SLC30A8: variants seen among roughly 807,000 people sequenced by gnomAD.
The protein encoded by SLC30A8 is proton-coupled zinc antiporter SLC30A8.
Under a neutral mutation model 36.9 loss-of-function variants are expected in SLC30A8, and 27 were observed. The observed-to-expected ratio is 0.73, with a 90% CI of 0.54 to 1.01. The LOEUF (loss-of-function observed/expected upper bound fraction) is 1.01. Among genes scored for constraint, SLC30A8 ranks in the 50% least tolerant of loss-of-function variants. SLC30A8 has a pLI of 0.00. For missense variants in SLC30A8, 439 were observed against 452.0 expected, an observed-to-expected ratio of 0.97 and a Z score of 0.26; for synonymous variants, 164 against 172.4, an observed-to-expected ratio of 0.95 and a Z score of 0.38.
chr8:117,024,057 A>G (rs1240300912), intron 1 of SLC30A8, among the ~76,000 whole-genome samples: 1 of 152,166 alleles, frequency 6.6e-6, no homozygotes, highest in African/African-American at 2.4e-5. Context: ...GGAATTACCT[A>G]ATAATGCAAC....
Position 117,036,745 on chromosome 8 carries a change from C to G in SLC30A8, c.-265-2474C>G, listed in dbSNP as rs377175844. ...GATTCAATCACCTCCCACCGGGTCC[C>G]TCTCTTGACATGTGGGTATTACAGT... is the stretch of plus-strand genomic sequence containing the variant. On this transcript the variant is annotated intron_variant, in intron 1 of 10. Transcript: ENST00000427715. 3.9e-5 allele frequency among the ~76,000 whole-genome samples: 6 copies of G among 152,310 alleles called. No homozygotes were observed. In the East Asian group the frequency reaches 1.2e-3, roughly 29 times the overall value.
chr8:117,160,884 A>G (rs1822756980), intron 4 of SLC30A8, among the ~76,000 whole-genome samples: 1 of 152,250 alleles, frequency 6.6e-6, no homozygotes, highest in Admixed American at 6.5e-5. Context: ...CATGGTGTTG[A>G]ACAATATGTT....
intron 1 of SLC30A8, among the ~76,000 whole-genome samples, chr8:117,028,453 A>AG (rs1816937260): frequency 6.6e-6 from 1 of 152,166 alleles, no homozygotes; most frequent in East Asian, 1.9e-4. Flanking sequence ...TAGACCTCAG[A>AG]GGGTTGCTGG....
intron 6 of SLC30A8, among the ~76,000 whole-genome samples, chr8:117,166,240 A>G (rs1342681921): frequency 1.3e-5 from 2 of 152,228 alleles, no homozygotes; most frequent in Non-Finnish European, 2.9e-5. Flanking sequence ...TGTCCCATAC[A>G]TATGTACAAT....
chr8:116,968,891 C>A (rs1372345619), intron 1 of SLC30A8, among the ~76,000 whole-genome samples: 1 of 152,058 alleles, frequency 6.6e-6, no homozygotes, highest in African/African-American at 2.4e-5. Context: ...CATGCACCAC[C>A]ATGCCTAGCT....
intron 2 of SLC30A8, among the ~76,000 whole-genome samples, chr8:117,113,144 A>G (rs1371286540): frequency 1.3e-5 from 2 of 152,198 alleles, no homozygotes; most frequent in Admixed American, 1.3e-4. Flanking sequence ...AGAGAAATAC[A>G]GACAAACGGA....
chr8:116,951,756 AT>A (rs1226119474), intron 1 of SLC30A8, among the ~76,000 whole-genome samples: 2 of 151,974 alleles, frequency 1.3e-5, no homozygotes, highest in African/African-American at 2.4e-5. Context: ...TTCATTCAAC[AT>A]TTTTGTTGTG....
At chr8:117,158,258 A>T (rs1183474790) in intron 4 of SLC30A8, among the ~76,000 whole-genome samples, 6 of 152,198 alleles carry the variant, frequency 3.9e-5, no homozygotes, top group Non-Finnish European at 8.8e-5. Context: ...GCTCTCAGGC[A>T]TGCTGATGGT....
chr8:117,040,393 G>T (rs1361505932), intron 2 of SLC30A8, among the ~76,000 whole-genome samples: 1 of 152,202 alleles, frequency 6.6e-6, no homozygotes, highest in Non-Finnish European at 1.5e-5. Flanking sequence ...TCTAATCCTT[G>T]TGCCTGATGC....
chr8:116,972,808 C>T (rs1464544934), intron 1 of SLC30A8, among the ~76,000 whole-genome samples: 4 of 152,090 alleles, frequency 2.6e-5, no homozygotes, highest in Admixed American at 1.3e-4. Flanking sequence ...GGAGGGACCA[C>T]GAATTGTTCA....
At chr8:117,006,222 T>C (rs182158804) in intron 1 of SLC30A8, among the ~76,000 whole-genome samples, 44 of 152,340 alleles carry the variant, frequency 2.9e-4, no homozygotes, top group African/African-American at 1.1e-3. Context: ...AAATGTGGCT[T>C]AAACCATTGT....
intron 2 of SLC30A8, among the ~76,000 whole-genome samples, chr8:117,059,508 A>G (rs190376984): frequency 2.6e-4 from 39 of 152,316 alleles, no homozygotes; most frequent in Non-Finnish European, 4.6e-4. Context: ...TGCAACTGTC[A>G]GGTCTTATCT....
intron 2 of SLC30A8, among the ~76,000 whole-genome samples, chr8:117,121,347 A>C (rs1820686795): frequency 6.6e-6 from 1 of 151,958 alleles, no homozygotes; most frequent in Non-Finnish European, 1.5e-5. Context: ...TAGTCCATTC[A>C]GACTAATATA....
At chr8:117,043,557 AGATTTCAGAATAACT>A (rs1211165578) in intron 2 of SLC30A8, among the ~76,000 whole-genome samples, 1 of 152,266 alleles carries the variant, frequency 6.6e-6, no homozygotes, top group Non-Finnish European at 1.5e-5. Flanking sequence ...AGATAGGGTC[AGATTTCAGAATAACT>A]TGACTATAAA....
In SLC30A8 at chr8:117,174,959, C is replaced by T. The variant is rs1823599576; in HGVS notation, c.*2278C>T. 1 of 151,884 alleles carries T rather than the reference C, an allele frequency of 6.6e-6. No individual in the cohort carries two copies. Among genetic ancestry groups the T allele is most frequent in the South Asian group, 2.1e-4 (1 of 4,826 alleles). 9.4% of individuals were successfully genotyped at this position (151,884 alleles called of 1,614,324 possible). A position where few individuals can be genotyped will look rare whatever the true frequency, so the allele number is the denominator to read the frequency against. Reference sequence around the variant, plus strand: ...GCTACTCAGGGGCTTTATGAACCATCCATCAATTCTGAAGTTCTGACTCTC... The same window carrying T: ...GCTACTCAGGGGCTTTATGAACCATTCATCAATTCTGAAGTTCTGACTCTC... On this transcript the variant is annotated 3_prime_UTR_variant, in exon 8 of 8. Transcript: ENST00000456015.
At chr8:116,992,908 G>A (rs7843159) in intron 1 of SLC30A8, among the ~76,000 whole-genome samples, 12,807 of 152,196 alleles carry the variant, frequency 0.084, 1,794 homozygotes, top group African/African-American at 0.29. Context: ...CTCTGACAGA[G>A]TTTTCCAATT....
intron 1 of SLC30A8, among the ~76,000 whole-genome samples, chr8:117,135,729 T>A (rs939586361): frequency 3.4e-4 from 51 of 152,014 alleles, no homozygotes; most frequent in African/African-American, 1.2e-3. Flanking sequence ...ATAGTAAATT[T>A]TATTATATTA....
In SLC30A8 at chr8:117,094,509, G is replaced by A. The variant is rs78209024; in HGVS notation, c.-225-40771G>A. ...TGAGTGTCCAGCTCTCAGCAGAGAG[G>A]GGACTCTGTTGTGGGTAGTTCCTCT... On this transcript the variant is annotated intron_variant, in intron 2 of 10. Coordinates refer to the SLC30A8 transcript ENST00000427715. Among the ~76,000 whole-genome samples, 537 of 152,310 alleles carry A rather than the reference G, an allele frequency of 3.5e-3. 8 individuals are homozygous for A. In the East Asian group the frequency reaches 0.061, roughly 17 times the overall value.
At chr8:117,044,087 A>G (rs1817472197) in intron 2 of SLC30A8, among the ~76,000 whole-genome samples, 1 of 152,216 alleles carries the variant, frequency 6.6e-6, no homozygotes, top group African/African-American at 2.4e-5. Context: ...GACTCTCATT[A>G]GAACTGGCCT....
Sources: gnomAD v4.1 joint callset for allele counts (sites outside exome capture counted in the v4.1 genomes callset) on GRCh38, gnomAD v4.1.1 for gene constraint, MANE v1.5 for transcripts, NCBI Gene and HGNC (gene_info 2026-07-23, HGNC 2026-07-21) for gene names.